Variants in MAP2K5 observed in about 807,000 individuals in gnomAD.
MAP2K5 encodes dual specificity mitogen-activated protein kinase kinase 5.
Under a neutral mutation model 83.1 loss-of-function variants are expected in MAP2K5, and 49 were observed. The ratio of observed to expected loss-of-function variants is 0.59; its 90% CI spans 0.47 to 0.75. MAP2K5 has a LOEUF of 0.75. Among genes scored for constraint, MAP2K5 ranks in the 30% least tolerant of loss-of-function variants. The pLI is 0.00. For missense variants in MAP2K5, 457 were observed against 557.5 expected, an observed-to-expected ratio of 0.82 and a Z score of 1.82; for synonymous variants, 202 against 191.8, an observed-to-expected ratio of 1.05 and a Z score of -0.44.
chr15:67,634,366 TCAAAAAAAAAAAAAAAAAA>T (rs2086544061), intron 9 of MAP2K5, among the ~76,000 whole-genome samples: 1 of 17,266 alleles, frequency 5.8e-5, no homozygotes, highest in African/African-American at 1.4e-4. Context: ...AGACCTCATC[TCAAAAAAAAAAAAAAAAAA>T]AAAAAAAAAA....
intron 21 of MAP2K5, among the ~76,000 whole-genome samples, chr15:67,788,140 T>C (rs552617189): frequency 1.3e-5 from 2 of 152,348 alleles, no homozygotes; most frequent in East Asian, 3.9e-4. Flanking sequence ...GCCTTTGATG[T>C]TGATTTATAT....
chr15:67,732,071 T>C (rs1596874028), intron 17 of MAP2K5, among the ~76,000 whole-genome samples: 3 of 152,234 alleles, frequency 2.0e-5, no homozygotes, highest in South Asian at 4.1e-4. Context: ...TATTCTGCAA[T>C]AGGATAATGA....
At chr15:67,728,276 C>T (rs1308813663) in intron 17 of MAP2K5, among the ~76,000 whole-genome samples, 1 of 151,982 alleles carries the variant, frequency 6.6e-6, no homozygotes, top group Admixed American at 6.5e-5. Flanking sequence ...TTTTTAAGCT[C>T]TTAAATTCAC....
Position 67,636,050 on chromosome 15 carries a change from C to T in MAP2K5, c.585+5123C>T, listed in dbSNP as rs1270324018. 6.6e-6 allele frequency among the ~76,000 whole-genome samples: 1 copy of T among 152,124 alleles called. No homozygotes were observed. Among genetic ancestry groups the T allele is most frequent in the African/African-American group, 2.4e-5 (1 of 41,436 alleles). On this transcript the variant is annotated intron_variant, in intron 9 of 21. Coordinates refer to ENST00000178640, the MANE Select transcript of MAP2K5 (RefSeq NM_145160.3). This position sits in a 1 kb window ranked among gnomAD's most constrained non-coding sequence, Gnocchi z 4.7. ...AATTCATGGGCTCAAGCAATCCACC[C>T]GCCTCCACCTATCAAAGTGCTGGGA...
In MAP2K5 at chr15:67,608,541, G is replaced by C. The variant is rs935047145; in HGVS notation, c.545+7792G>C. 6.6e-5 allele frequency among the ~76,000 whole-genome samples: 10 copies of C among 152,290 alleles called. No homozygotes were observed. In the South Asian group the frequency reaches 8.3e-4, roughly 13 times the overall value. Reference sequence around the variant, plus strand: ...GTGTGTATGGTGCACAGATCTGGGGGGCTGAGGAAGAACTGATGGCTTTTA... The same window carrying C: ...GTGTGTATGGTGCACAGATCTGGGGCGCTGAGGAAGAACTGATGGCTTTTA... On this transcript the variant is annotated intron_variant, in intron 8 of 21. Transcript: ENST00000178640.
At chr15:67,666,451 G>A (rs1018881676) in intron 13 of MAP2K5, among the ~76,000 whole-genome samples, 3 of 152,102 alleles carry the variant, frequency 2.0e-5, no homozygotes, top group Non-Finnish European at 4.4e-5. Context: ...TGATAGACAT[G>A]TTTCAGATGG....
At position 67,561,316 on chromosome 15, in the gene MAP2K5, T is replaced by C. The variant is rs1459785484; in HGVS notation, c.185-1967T>C. ...AACTTTCGCCTTAACCTTGAAAATA[T>C]TAGTTTCTAGAACTTATATATAGAC... On this transcript the variant is annotated intron_variant, in intron 2 of 21. Transcript: ENST00000178640. This position sits in a 1 kb window ranked among gnomAD's most constrained non-coding sequence, Gnocchi z 4.2. 6.6e-6 allele frequency among the ~76,000 whole-genome samples: 1 copy of C among 152,236 alleles called. No homozygotes were observed. The highest frequency in any genetic ancestry group is 2.4e-5 in the African/African-American group (1 of 41,472).
intron 13 of MAP2K5, among the ~76,000 whole-genome samples, chr15:67,670,781 G>A (rs1384304520): frequency 6.6e-6 from 1 of 151,986 alleles, no homozygotes; most frequent in African/African-American, 2.4e-5. Context: ...CAGAAAGAGA[G>A]AGACAGGGTC....
In MAP2K5 at chr15:67,720,651, A is replaced by T. The variant is rs117530100; in HGVS notation, c.1045-7265A>T. On this transcript the variant is annotated intron_variant, in intron 16 of 21. Coordinates refer to ENST00000178640, the MANE Select transcript of MAP2K5 (RefSeq NM_145160.3). This position sits in a 1 kb window ranked among gnomAD's most constrained non-coding sequence, Gnocchi z 5.7. ...TGAATTAATAATTGCTATGTGGCGGATGAGCCCCGTCAGAAGAGCTGAAAA... is the reference window on the plus strand; with the variant it reads ...TGAATTAATAATTGCTATGTGGCGGTTGAGCCCCGTCAGAAGAGCTGAAAA... Among the ~76,000 whole-genome samples, 109 of 152,292 alleles carry T rather than the reference A, an allele frequency of 7.2e-4. 1 individual carries two copies. Among genetic ancestry groups the T allele is most frequent in the East Asian group, 6.9e-3 (36 of 5,188 alleles).
intron 9 of MAP2K5, among the ~76,000 whole-genome samples, chr15:67,634,623 T>A (rs2086558129): frequency 6.6e-6 from 1 of 152,148 alleles, no homozygotes; most frequent in African/African-American, 2.4e-5. Flanking sequence ...TAGGTGCATT[T>A]ATGTTTGTTA....
chr15:67,710,143 C>T (rs962288726), intron 16 of MAP2K5, among the ~76,000 whole-genome samples: 1 of 152,118 alleles, frequency 6.6e-6, no homozygotes, highest in Admixed American at 6.5e-5. Context: ...ACTACAGGTG[C>T]ACCACCGCAC....
rs374480369 is a variant in MAP2K5, at chr15:67,773,889, C to T, written c.1242+1137C>T. On this transcript the variant is annotated intron_variant, in intron 21 of 21. Transcript: ENST00000178640. ...TTGGAACAGGTTCTAGAGATGGAGACCCATTTACCTTGTGCATTATTATGC... is the reference window on the plus strand; with the variant it reads ...TTGGAACAGGTTCTAGAGATGGAGATCCATTTACCTTGTGCATTATTATGC... 3.9e-5 allele frequency among the ~76,000 whole-genome samples: 6 copies of T among 152,164 alleles called. No homozygotes were observed. The South Asian group carries it at 1.0e-3, about 26-fold the overall frequency.
chr15:67,784,037 T>C (rs151162362), intron 21 of MAP2K5, among the ~76,000 whole-genome samples: 65 of 152,324 alleles, frequency 4.3e-4, no homozygotes, highest in African/African-American at 1.5e-3. Flanking sequence ...TTTTATAATC[T>C]TTAAAAAATT....
intron 13 of MAP2K5, among the ~76,000 whole-genome samples, chr15:67,692,198 T>C (rs780376068): frequency 2.6e-5 from 4 of 152,246 alleles, no homozygotes; most frequent in Non-Finnish European, 4.4e-5. Flanking sequence ...GGATGATGGG[T>C]GTATTTACTG....
chr15:67,685,769 CATAA>C (rs2087937619), intron 13 of MAP2K5, among the ~76,000 whole-genome samples: 1 of 152,176 alleles, frequency 6.6e-6, no homozygotes, highest in Non-Finnish European at 1.5e-5. Flanking sequence ...CTAGAACAGC[CATAA>C]ATAAATAAAG....
At chr15:67,763,943 G>A (rs147244234) in intron 19 of MAP2K5, among the ~76,000 whole-genome samples, 5 of 152,284 alleles carry the variant, frequency 3.3e-5, no homozygotes, top group East Asian at 3.9e-4. Context: ...GCAAAGGAAC[G>A]TCAGACATGA....
chr15:67,570,135 T>C (rs2084922868), intron 3 of MAP2K5, among the ~76,000 whole-genome samples: 1 of 152,228 alleles, frequency 6.6e-6, no homozygotes, highest in Non-Finnish European at 1.5e-5. Context: ...ACATATTACC[T>C]TAAACATAGC....
At chr15:67,753,651 C>T (rs893479126) in intron 19 of MAP2K5, among the ~76,000 whole-genome samples, 2 of 151,668 alleles carry the variant, frequency 1.3e-5, no homozygotes, top group African/African-American at 4.8e-5. Context: ...TACTTCATGC[C>T]CACTAGGATG....
chr15:67,713,229 A>G (rs1460001949), intron 16 of MAP2K5, among the ~76,000 whole-genome samples: 1 of 152,146 alleles, frequency 6.6e-6, no homozygotes. Flanking sequence ...CCCAAGGAAA[A>G]TTTACTATAA....
Sources: gnomAD v4.1 joint callset for allele counts (sites outside exome capture counted in the v4.1 genomes callset) on GRCh38, gnomAD v4.1.1 for gene constraint, Gnocchi (gnomAD v3.1) non-coding constraint, MANE v1.5 for transcripts, NCBI Gene and HGNC (gene_info 2026-07-23, HGNC 2026-07-21) for gene names.